IBTK: variants seen among roughly 807,000 people sequenced by gnomAD.
IBTK encodes the protein inhibitor of Bruton tyrosine kinase.
In IBTK, 83 loss-of-function variants were observed where a neutral mutation model predicts 154.9. The observed-to-expected ratio is 0.54, with a 90% CI of 0.45 to 0.64. IBTK has a LOEUF of 0.64. IBTK is among the 30% of genes least tolerant of loss of function. The probability of loss-of-function intolerance (pLI) is 0.00; values close to 1 mark genes in which losing one functional copy is unlikely to be tolerated. For missense variants in IBTK, 1,332 were observed against 1,584.6 expected (o/e 0.84, Z 2.71); for synonymous variants, 515 against 536.1 (o/e 0.96, Z 0.54).
intron 17 of IBTK, 79 bp downstream of exon 17, chr6:82,204,778 G>T: frequency 1.2e-6 from 1 of 801,830 alleles, no homozygotes; most frequent in South Asian, 3.0e-5. Context: ...TACCATAAGT[G>T]GAATCATAAA....
chr6:82,201,577 A>G lies in IBTK; in HGVS notation c.2730-95T>C, dbSNP rs1175506051. The G allele has an allele frequency of 7.8e-6, 6 of 771,936 alleles. No homozygotes were observed. The East Asian group carries it at 1.7e-4, about 22-fold the overall frequency. 47.8% of individuals were successfully genotyped at this position (771,936 alleles called of 1,614,324 possible). On this transcript the variant is annotated intron_variant, in intron 18 of 28. Coordinates refer to ENST00000306270, the MANE Select transcript of IBTK (RefSeq NM_015525.4). ...CGTAGATATTTCATATTGCTAGATA[A>G]GTAACAAAGTTATTTTTTAAGCATT...
chr6:82,238,759 G>A (rs1301557399), intron 2 of IBTK, among the ~76,000 whole-genome samples: 1 of 151,620 alleles, frequency 6.6e-6, no homozygotes, highest in Non-Finnish European at 1.5e-5. Context: ...CTTTTTTTGA[G>A]ACAGAGTCTC....
intron 27 of IBTK, 193 bp from the exon 28 acceptor site, chr6:82,172,705 C>T (rs973526954): frequency 3.6e-6 from 2 of 550,432 alleles, no homozygotes; most frequent in Non-Finnish European, 6.2e-6. Flanking sequence ...AAAATTTTCT[C>T]TGAAATACTC....
intron 25 of IBTK, among the ~76,000 whole-genome samples, chr6:82,187,395 A>T (rs1768593541): frequency 6.6e-6 from 1 of 152,004 alleles, no homozygotes; most frequent in Non-Finnish European, 1.5e-5. Flanking sequence ...CCAAGGAAAA[A>T]TTTTTCCTAT....
chr6:82,183,155 A>G (rs1423201894), intron 25 of IBTK, among the ~76,000 whole-genome samples: 1 of 152,246 alleles, frequency 6.6e-6, no homozygotes, highest in African/African-American at 2.4e-5. Flanking sequence ...CATGCCTGTA[A>G]TCCCAACACT....
intron 2 of IBTK, among the ~76,000 whole-genome samples, chr6:82,235,696 T>A (rs1405923233): frequency 6.6e-6 from 1 of 152,230 alleles, no homozygotes; most frequent in East Asian, 1.9e-4. Flanking sequence ...AATTTTTTCT[T>A]ATTTATAATT....
intron 26 of IBTK, among the ~76,000 whole-genome samples, chr6:82,180,659 C>T (rs1359983129): frequency 6.6e-6 from 1 of 152,118 alleles, no homozygotes; most frequent in Non-Finnish European, 1.5e-5. Context: ...TGCAAGAAAA[C>T]GGCTCAAGAA....
Position 82,199,234 on chromosome 6 carries a change from ATTGTGTGTGTGTGTGT to A in IBTK, c.3025+891_3025+906del, listed in dbSNP as rs898577543. ...GAACAATTTTTTTTTAAGTCTCTGT[ATTGTGTGTGTGTGTGT>A]TTGTGTGTGTGTGTAACACATGGAG... On this transcript the variant is annotated intron_variant, in intron 21 of 28. Transcript: ENST00000306270. 2.6e-5 allele frequency among the ~76,000 whole-genome samples: 4 copies of A among 151,806 alleles called. No homozygotes were observed. The East Asian group carries it at 5.8e-4, about 22-fold the overall frequency.
intron 4 of IBTK, 49 bp from the exon 5 acceptor site, chr6:82,227,351 CT>C (rs1770334921): frequency 9.3e-7 from 1 of 1,080,206 alleles, no homozygotes; most frequent in Admixed American, 2.3e-5. Flanking sequence ...ATAAAATATC[CT>C]TTATTTTATG....
intron 4 of IBTK, among the ~76,000 whole-genome samples, chr6:82,230,426 C>A (rs1770463271): frequency 6.6e-6 from 1 of 152,068 alleles, no homozygotes; most frequent in African/African-American, 2.4e-5. Flanking sequence ...ATAATTAGCT[C>A]TTTTTTAAGA....
At chr6:82,235,134 C>T (rs888067679) in intron 2 of IBTK, among the ~76,000 whole-genome samples, 6 of 152,100 alleles carry the variant, frequency 3.9e-5, no homozygotes, top group Non-Finnish European at 7.4e-5. Context: ...GCTGGGATTA[C>T]AGGTGTGAGC....
chr6:82,211,299 C>G, intron 15 of IBTK, 68 bp downstream of exon 15: 1 of 1,260,378 alleles, frequency 7.9e-7, no homozygotes. Flanking sequence ...AATTTCTTTA[C>G]TACATACTTT....
intron 20 of IBTK, 133 bp from the exon 21 acceptor site, chr6:82,200,386 G>T: frequency 1.3e-6 from 1 of 745,818 alleles, no homozygotes; most frequent in Non-Finnish European, 2.2e-6. Flanking sequence ...TAGACCTACA[G>T]ATATTAATTA....
At chr6:82,236,681 T>C (rs1295099614) in intron 2 of IBTK, among the ~76,000 whole-genome samples, 2 of 152,234 alleles carry the variant, frequency 1.3e-5, no homozygotes, top group South Asian at 2.1e-4. Context: ...GTTATAGCTA[T>C]GAAGTTTTAT....
intron 16 of IBTK, among the ~76,000 whole-genome samples, chr6:82,208,492 A>T (rs1007124912): frequency 2.6e-5 from 4 of 152,180 alleles, no homozygotes; most frequent in Non-Finnish European, 5.9e-5. Context: ...CTGTAATCCC[A>T]GCACTTTGGG....
intron 2 of IBTK, among the ~76,000 whole-genome samples, chr6:82,234,573 G>A (rs1375405325): frequency 1.3e-5 from 2 of 151,956 alleles, no homozygotes; most frequent in East Asian, 1.9e-4. Flanking sequence ...CTGACCTCAG[G>A]TGATCCACCT....
At chr6:82,174,002 A>G (rs150878475) in intron 26 of IBTK, among the ~76,000 whole-genome samples, 42 of 152,300 alleles carry the variant, frequency 2.8e-4, no homozygotes, top group African/African-American at 8.9e-4. Context: ...GAGGTATATG[A>G]TGAAAGCAGT....
chr6:82,209,781 T>C (rs2127812208), intron 16 of IBTK, among the ~76,000 whole-genome samples: 1 of 152,366 alleles, frequency 6.6e-6, no homozygotes, highest in South Asian at 2.1e-4. Context: ...TCAGTTATCT[T>C]ACTCTCAAGT....
intron 26 of IBTK, among the ~76,000 whole-genome samples, chr6:82,175,656 G>A (rs546709263): frequency 1.3e-5 from 2 of 152,248 alleles, no homozygotes; most frequent in South Asian, 2.1e-4. Context: ...AGTAGATATC[G>A]CAAGAGACAA....
Sources: gnomAD v4.1 joint callset for allele counts (sites outside exome capture counted in the v4.1 genomes callset) on GRCh38, gnomAD v4.1.1 for gene constraint, MANE v1.5 for transcripts, NCBI Gene and HGNC (gene_info 2026-07-23, HGNC 2026-07-21) for gene names.